The following RTN3 variants were observed in gnomAD, a reference collection of about 807,000 sequenced individuals.
The protein encoded by RTN3 is reticulon 3.
In RTN3, 49 loss-of-function variants were observed where a neutral mutation model predicts 77.8. The observed-to-expected ratio is 0.63, with a 90% CI of 0.50 to 0.80. RTN3 has a LOEUF of 0.80. Among genes scored for constraint, RTN3 ranks in the 30% least tolerant of loss-of-function variants. RTN3 has a pLI of 0.00. For synonymous variants in RTN3, 464 were observed against 446.9 expected, an observed-to-expected ratio of 1.04 and a Z score of -0.48; for missense variants, 1,236 against 1,211.9, an observed-to-expected ratio of 1.02 and a Z score of -0.29.
chr11:63,707,599 T>C (rs1012486662), intron 2 of RTN3, among the ~76,000 whole-genome samples: 4 of 152,202 alleles, frequency 2.6e-5, no homozygotes, highest in African/African-American at 7.2e-5. Flanking sequence ...TTTAGGAGGC[T>C]GAGGCAGGCG....
At chr11:63,722,682 G>T (rs143951326) in intron 3 of RTN3, among the ~76,000 whole-genome samples, 67 of 152,328 alleles carry the variant, frequency 4.4e-4, no homozygotes, top group African/African-American at 1.5e-3. Flanking sequence ...GAAGCTCACT[G>T]AATTTGGATT....
chr11:63,735,564 C>G (rs2013045370), intron 3 of RTN3, among the ~76,000 whole-genome samples: 1 of 139,276 alleles, frequency 7.2e-6, no homozygotes, highest in Non-Finnish European at 1.6e-5. Context: ...CTCTCTCTCT[C>G]TCTCTCTCTC....
intron 1 of RTN3, among the ~76,000 whole-genome samples, chr11:63,692,730 C>A (rs1359077967): frequency 6.6e-6 from 1 of 151,456 alleles, no homozygotes; most frequent in East Asian, 1.9e-4. Context: ...CACTGCACTT[C>A]AGCCTGGGTG....
chr11:63,733,855 C>T (rs2012877424), intron 3 of RTN3, among the ~76,000 whole-genome samples: 1 of 151,782 alleles, frequency 6.6e-6, no homozygotes, highest in African/African-American at 2.4e-5. Context: ...TGTACAACTG[C>T]ACTCCAGCCT....
Position 63,683,943 on chromosome 11 carries a change from C to CTTTTTT in RTN3, c.142+2189_142+2194dup, listed in dbSNP as rs35837590. Reference sequence around the variant, plus strand: ...TATTTCTTTCTCTTTTCTTTTCTTTCTTTTTTTTTTTTTTTTTTTTTTTTT... The same window carrying CTTTTTT: ...TATTTCTTTCTCTTTTCTTTTCTTTCTTTTTTTTTTTTTTTTTTTTTTTTTTTTTTT... On this transcript the variant is annotated intron_variant, in intron 1 of 8. Transcript: ENST00000377819. Among the ~76,000 whole-genome samples the CTTTTTT allele has an allele frequency of 1.3e-3, 76 of 58,948 alleles. 7 individuals are homozygous for CTTTTTT. Among genetic ancestry groups the CTTTTTT allele is most frequent in the African/African-American group, 3.3e-3 (44 of 13,352 alleles). The allele number at this position is 58,948 out of a possible 152,430, so 38.7% of individuals were successfully genotyped here. A position where few individuals can be genotyped will look rare whatever the true frequency, so the allele number is the denominator to read the frequency against.
At chr11:63,755,007 A>G (rs17730754) in intron 7 of RTN3, among the ~76,000 whole-genome samples, 2,434 of 151,534 alleles carry the variant, frequency 0.016, 33 homozygotes, top group Non-Finnish European at 0.025. Context: ...TATTCAGGTA[A>G]TCCATCAGTG....
intron 4 of RTN3, among the ~76,000 whole-genome samples, chr11:63,751,022 G>A (rs991086869): frequency 5.3e-5 from 8 of 151,602 alleles, no homozygotes; most frequent in Non-Finnish European, 1.2e-4. Flanking sequence ...GTGAGCCACC[G>A]CTCCCGACCA....
At chr11:63,699,784 A>G (rs1264504647) in intron 1 of RTN3, among the ~76,000 whole-genome samples, 1 of 152,156 alleles carries the variant, frequency 6.6e-6, no homozygotes. Flanking sequence ...TCTCTGCTGC[A>G]TTCCCACAAC....
At chr11:63,730,994 T>G (rs920210569) in intron 3 of RTN3, among the ~76,000 whole-genome samples, 1 of 152,200 alleles carries the variant, frequency 6.6e-6, no homozygotes, top group African/African-American at 2.4e-5. Context: ...ACACATTATT[T>G]TACAAGTGTA....
At chr11:63,753,794 C>T in intron 7 of RTN3, 86 bp downstream of exon 7, 1 of 1,231,388 alleles carries the variant, frequency 8.1e-7, no homozygotes, top group Non-Finnish European at 1.2e-6. Context: ...ATGTTCAGAG[C>T]AGTCTTTTTA....
intron 1 of RTN3, among the ~76,000 whole-genome samples, chr11:63,687,715 T>G (rs1361720695): frequency 6.6e-6 from 1 of 152,212 alleles, no homozygotes; most frequent in African/African-American, 2.4e-5. Context: ...ATCAACAATG[T>G]GACCTAGACA....
intron 4 of RTN3, among the ~76,000 whole-genome samples, chr11:63,750,652 A>G (rs1008264379): frequency 2.0e-5 from 3 of 151,576 alleles, no homozygotes; most frequent in South Asian, 2.1e-4. Flanking sequence ...GGGTTTCTCT[A>G]TGTTGGTCAG....
At chr11:63,698,365 A>G (rs939808257) in intron 1 of RTN3, among the ~76,000 whole-genome samples, 8 of 152,134 alleles carry the variant, frequency 5.3e-5, no homozygotes, top group Non-Finnish European at 1.2e-4. Flanking sequence ...AGGTCAAGCC[A>G]TCCACCTGCT....
At chr11:63,704,701 A>C in intron 1 of RTN3, 150 bp from the exon 2 acceptor site, 1 of 524,234 alleles carries the variant, frequency 1.9e-6, no homozygotes, top group Non-Finnish European at 3.4e-6. Flanking sequence ...GTGAGTGAAA[A>C]CAATAATTGG....
chr11:63,685,510 G>A (rs1189923116), intron 1 of RTN3, among the ~76,000 whole-genome samples: 64 of 69,438 alleles, frequency 9.2e-4, no homozygotes, highest in African/African-American at 2.8e-3. Flanking sequence ...AAAAAAAAAA[G>A]TTACTGCAAT....
intron 2 of RTN3, among the ~76,000 whole-genome samples, chr11:63,716,808 A>ACGC (rs1746889790): frequency 2.0e-5 from 3 of 152,102 alleles, no homozygotes; most frequent in African/African-American, 7.2e-5. Context: ...TACTAAAAAT[A>ACGC]CAAAAATAAA....
At chr11:63,749,891 G>A (rs867631175) in intron 3 of RTN3, 100 bp from the exon 4 acceptor site, 6 of 830,170 alleles carry the variant, frequency 7.2e-6, no homozygotes, top group Middle Eastern at 2.2e-4. Context: ...TTAAAGTGGG[G>A]CATACCTGTA....
At position 63,718,948 on chromosome 11, in the gene RTN3, C is replaced by G. The variant is rs778571642; in HGVS notation, c.446C>G (p.Ala149Gly). 2.5e-6 allele frequency: 4 copies of G among 1,614,180 alleles called. No homozygotes were observed. The South Asian group carries it at 4.4e-5, about 18-fold the overall frequency. ...TCAGACTCTTCAGTTTCTCTTGCAG[C>G]AGGAGTTCATTGTGACCGTCCTTCT... ...NVSDSSVSLA[A>G]GVHCDRPSIP... The change falls in exon 3 of 9, where the codon GCA (alanine) becomes GGA (glycine). Residue 149 changes from alanine to glycine, a missense_variant. By Grantham distance (60) the Ala-to-Gly change is moderately conservative. This residue lies in a region of RTN3 where 1,056 missense variants were observed against 990.4 expected (regional missense o/e 1.07). Transcript: ENST00000377819.
chr11:63,726,291 G>GT (rs1195137672), intron 3 of RTN3, among the ~76,000 whole-genome samples: 2 of 152,180 alleles, frequency 1.3e-5, no homozygotes, highest in African/African-American at 4.8e-5. Context: ...CATGAAATTA[G>GT]TTTTTTATTT....
Sources: gnomAD v4.1 joint callset for allele counts (sites outside exome capture counted in the v4.1 genomes callset) on GRCh38, gnomAD v4.1.1 for gene constraint, gnomAD v4.1.1 regional missense constraint, MANE v1.5 for transcripts, NCBI Gene and HGNC (gene_info 2026-07-23, HGNC 2026-07-21) for gene names.